STAC: variants seen among roughly 807,000 people sequenced by gnomAD.
STAC encodes the protein SH3 and cysteine rich domain, also known as SH3 and cysteine-rich domain-containing protein.
STAC carries 43 observed loss-of-function variants against 48.8 expected under a neutral mutation model. The ratio of observed to expected loss-of-function variants is 0.88; its 90% CI spans 0.69 to 1.14. The LOEUF is 1.14. Ranked by LOEUF, STAC falls within the 50% of genes most tolerant of loss-of-function variation. The pLI, the probability that STAC is intolerant of heterozygous loss-of-function variation, is 0.00. For missense variants in STAC, 497 were observed against 504.0 expected (o/e 0.99, Z 0.13); for synonymous variants, 193 against 179.5 (o/e 1.07, Z -0.60).
chr3:36,473,371 T>G (rs977268641), intron 2 of STAC, among the ~76,000 whole-genome samples: 1 of 152,208 alleles, frequency 6.6e-6, no homozygotes, highest in Non-Finnish European at 1.5e-5. Context: ...GTTAGCTATG[T>G]GCAGTTCAGC....
At chr3:36,482,191 G>A (rs781310735) in intron 2 of STAC, among the ~76,000 whole-genome samples, 10 of 152,120 alleles carry the variant, frequency 6.6e-5, no homozygotes, top group Non-Finnish European at 1.0e-4. Flanking sequence ...TTTAACATCC[G>A]TCTTAAGCTT....
intron 6 of STAC, among the ~76,000 whole-genome samples, chr3:36,495,124 C>G (rs931183210): frequency 1.3e-5 from 2 of 152,146 alleles, no homozygotes; most frequent in Admixed American, 6.5e-5. Flanking sequence ...TCATGTGATC[C>G]CAAAGCAGTG....
At chr3:36,532,769 G>C (rs1469623467) in intron 10 of STAC, among the ~76,000 whole-genome samples, 1 of 152,084 alleles carries the variant, frequency 6.6e-6, no homozygotes, top group Non-Finnish European at 1.5e-5. Context: ...TTTTGAAAGA[G>C]AACATTTTAT....
chr3:36,487,048 C>T (rs1056783566), intron 5 of STAC, among the ~76,000 whole-genome samples: 1 of 152,188 alleles, frequency 6.6e-6, no homozygotes, highest in Non-Finnish European at 1.5e-5. Flanking sequence ...CACAGATGAG[C>T]CTTCAAATGG....
intron 1 of STAC, among the ~76,000 whole-genome samples, chr3:36,432,492 A>G (rs1472839612): frequency 1.3e-5 from 2 of 152,138 alleles, no homozygotes; most frequent in Non-Finnish European, 2.9e-5. Context: ...ACCTGAGGTC[A>G]GGAGTTCAAG....
chr3:36,527,037 C>A (rs149907291), intron 8 of STAC, among the ~76,000 whole-genome samples: 252 of 152,262 alleles, frequency 1.7e-3, no homozygotes, highest in African/African-American at 5.7e-3. Flanking sequence ...TAAACAGAGC[C>A]TGTAAATAGC....
intron 1 of STAC, among the ~76,000 whole-genome samples, chr3:36,403,310 C>T (rs1023909298): frequency 2.0e-5 from 3 of 151,786 alleles, no homozygotes; most frequent in African/African-American, 7.3e-5. Context: ...ATAGAACAAA[C>T]GACAGATAAT....
intron 6 of STAC, among the ~76,000 whole-genome samples, chr3:36,499,290 TA>T (rs1698226975): frequency 6.6e-6 from 1 of 152,200 alleles, no homozygotes; most frequent in Admixed American, 6.5e-5. Context: ...ATAATGTTTT[TA>T]AAAAGTTGTT....
chr3:36,387,896 T>G (rs1386842753), intron 1 of STAC, among the ~76,000 whole-genome samples: 1 of 152,112 alleles, frequency 6.6e-6, no homozygotes, highest in Non-Finnish European at 1.5e-5. Flanking sequence ...GTTTAATTTT[T>G]TGAGAAATTG....
At chr3:36,386,190 T>A (rs1699611627) in intron 1 of STAC, among the ~76,000 whole-genome samples, 1 of 152,092 alleles carries the variant, frequency 6.6e-6, no homozygotes, top group African/African-American at 2.4e-5. Flanking sequence ...TTAATGGTAT[T>A]GCAATGTGGT....
chr3:36,380,564 TGGCGCGCGGCGGGCAG>T lies in STAC; in HGVS notation c.-72_-57del. The T allele has an allele frequency of 8.4e-7, 1 of 1,185,876 alleles. No homozygotes were observed. 73.5% of individuals were successfully genotyped at this position (1,185,876 alleles called of 1,614,324 possible). A position where few individuals can be genotyped will look rare whatever the true frequency, so the allele number is the denominator to read the frequency against. ...CCCCAGGACCCGGAGCTGAGCAGCC[TGGCGCGCGGCGGGCAG>T]GGCGCGCAGGACAGAAGCCTCGCTG... On this transcript the variant is annotated 5_prime_UTR_variant, in exon 1 of 11. Transcript: ENST00000273183.
chr3:36,444,561 C>T (rs555201320), intron 2 of STAC, among the ~76,000 whole-genome samples: 23 of 152,146 alleles, frequency 1.5e-4, no homozygotes, highest in Non-Finnish European at 2.2e-4. Flanking sequence ...GGCCTTGGGC[C>T]GGAGGTGGCA....
At chr3:36,381,396 T>C (rs939874877) in intron 1 of STAC, among the ~76,000 whole-genome samples, 1 of 152,256 alleles carries the variant, frequency 6.6e-6, no homozygotes, top group African/African-American at 2.4e-5. Context: ...CTGTTACACT[T>C]CCTCTGAAAC....
intron 1 of STAC, among the ~76,000 whole-genome samples, chr3:36,442,974 C>A (rs1457450984): frequency 6.6e-6 from 1 of 152,200 alleles, no homozygotes; most frequent in Non-Finnish European, 1.5e-5. Context: ...GCCAGCTTTA[C>A]ACATGTAGCC....
At chr3:36,483,560 CAG>C (rs1697715199) in intron 3 of STAC, among the ~76,000 whole-genome samples, 1 of 152,140 alleles carries the variant, frequency 6.6e-6, no homozygotes, top group Admixed American at 6.5e-5. Flanking sequence ...ACCACTTTAA[CAG>C]AATCTCCCAA....
At chr3:36,478,758 G>T (rs1384709978) in intron 2 of STAC, among the ~76,000 whole-genome samples, 1 of 152,080 alleles carries the variant, frequency 6.6e-6, no homozygotes, top group Non-Finnish European at 1.5e-5. Flanking sequence ...AAAGTGCTGG[G>T]ATTACAGGCA....
intron 5 of STAC, among the ~76,000 whole-genome samples, 175 bp downstream of exon 5, chr3:36,486,424 T>A (rs1697818643): frequency 6.6e-6 from 1 of 152,200 alleles, no homozygotes. Context: ...ATTAACTTCC[T>A]GTTGTCAACA....
intron 6 of STAC, among the ~76,000 whole-genome samples, chr3:36,498,765 A>C (rs1369273790): frequency 2.0e-5 from 3 of 152,126 alleles, no homozygotes; most frequent in Non-Finnish European, 4.4e-5. Context: ...AAAAAGAGAG[A>C]GAGAGAAAGA....
rs181028195 is a variant in STAC at position 36,489,414 on chromosome 3, C to T, written c.687+3165C>T. Among the ~76,000 whole-genome samples, 1,260 of 152,308 alleles carry T rather than the reference C, an allele frequency of 8.3e-3. 13 individuals carry two copies. Among genetic ancestry groups the T allele is most frequent in the Non-Finnish European group, 0.014 (953 of 68,040 alleles). ...CACAGTTTGCCGTTTTCTGCATAGC[C>T]ATGCTCTGTCCAGACATTCAAACTA... On this transcript the variant is annotated intron_variant, in intron 5 of 10. Coordinates refer to ENST00000273183, the MANE Select transcript of STAC (RefSeq NM_003149.3).
Sources: allele counts gnomAD v4.1 joint callset (sites outside exome capture counted in the v4.1 genomes callset), GRCh38; gene constraint gnomAD v4.1.1; transcripts MANE v1.5; gene names NCBI Gene and HGNC (gene_info 2026-07-23, HGNC 2026-07-21).